Variants in TAF15 observed in about 807,000 individuals in gnomAD.
The protein encoded by TAF15 is TATA-box binding protein associated factor 15, also known as TATA-binding protein-associated factor 2N.
In TAF15, 37 loss-of-function variants were observed where a neutral mutation model predicts 102.5. The ratio of observed to expected loss-of-function variants is 0.36; its 90% CI spans 0.28 to 0.47. The LOEUF (loss-of-function observed/expected upper bound fraction) is 0.47. TAF15 is among the 20% of genes least tolerant of loss of function. TAF15 has a pLI of 0.99. For missense variants in TAF15, 652 were observed against 760.7 expected, an observed-to-expected ratio of 0.86 and a Z score of 1.68; for synonymous variants, 273 against 259.2, an observed-to-expected ratio of 1.05 and a Z score of -0.51.
intron 10 of TAF15, 88 bp from the exon 11 acceptor site, chr17:35,838,336 G>A (rs2087500608): frequency 3.2e-6 from 5 of 1,562,604 alleles, no homozygotes; most frequent in East Asian, 2.2e-5. Context: ...TGAATTCCTT[G>A]TAAAAAAAAT....
chr17:35,846,789 G>T, intron 15 of TAF15, 117 bp from the exon 16 acceptor site: 1 of 1,031,486 alleles, frequency 9.7e-7, no homozygotes, highest in Non-Finnish European at 1.5e-6. Context: ...GAGGCATGGT[G>T]TCATTCTTTA....
intron 7 of TAF15, among the ~76,000 whole-genome samples, chr17:35,830,982 T>C (rs776597044): frequency 1.3e-5 from 2 of 152,232 alleles, no homozygotes; most frequent in Admixed American, 6.5e-5. Flanking sequence ...TGATTAGTTA[T>C]AGTTAAGACT....
intron 1 of TAF15, 185 bp downstream of exon 1, chr17:35,809,761 G>A: frequency 1.3e-6 from 1 of 767,246 alleles, no homozygotes; most frequent in South Asian, 1.6e-5. Flanking sequence ...TGGCTCCCCG[G>A]CTGCAAATCA....
Position 35,842,302 on chromosome 17 carries a change from T to G in TAF15, c.914-65T>G, listed in dbSNP as rs544013753. 5.3e-5 allele frequency: 67 copies of G among 1,254,756 alleles called. 1 individual carries two copies. The African/African-American group carries it at 8.8e-4, about 17-fold the overall frequency. The allele number at this position is 1,254,756 out of a possible 1,614,324, so 77.7% of individuals were successfully genotyped here. On this transcript the variant is annotated intron_variant, in intron 11 of 15. Transcript: ENST00000605844. ...GAAACTAAAGATTTCCAAGACTTTT[T>G]CATTTTTGTTGACAGGTGGAGGTAT...
At chr17:35,819,431 T>G (rs1294417829) in intron 2 of TAF15, among the ~76,000 whole-genome samples, 2 of 152,190 alleles carry the variant, frequency 1.3e-5, no homozygotes, top group Non-Finnish European at 2.9e-5. Flanking sequence ...TTTATTGAGC[T>G]ATGTGCCAGG....
intron 12 of TAF15, among the ~76,000 whole-genome samples, chr17:35,843,025 G>C (rs2087566249): frequency 6.6e-6 from 1 of 152,024 alleles, no homozygotes; most frequent in Admixed American, 6.5e-5. Flanking sequence ...CACCGTGCTT[G>C]GCGAGGCAAT....
intron 3 of TAF15, 27 bp downstream of exon 3, chr17:35,820,102 T>C: frequency 6.2e-7 from 1 of 1,613,892 alleles, no homozygotes. Flanking sequence ...ATTGTATTCT[T>C]CATAAGTAGT....
intron 6 of TAF15, chr17:35,823,827 T>G: frequency 1.8e-6 from 1 of 564,434 alleles, no homozygotes; most frequent in East Asian, 3.1e-5. Flanking sequence ...CCATGTCACT[T>G]TAGCAGAATG....
chr17:35,833,943 T>TCAAAA lies in TAF15; in HGVS notation c.640+2_640+3insCAAAA. 1 of 1,613,854 alleles carries TCAAAA rather than the reference T, an allele frequency of 6.2e-7. No individual in the cohort carries two copies. The highest frequency in any genetic ancestry group is 8.5e-7 in the Non-Finnish European group (1 of 1,179,950). ...GCGGTGGCTTCAAAAATTTTGGTGG[T>TCAAAA]AAGTGCTGAGTATCCCAAAATGTTT... On this transcript the variant is annotated splice_region_variant and intron_variant, in intron 8 of 15. Transcript: ENST00000605844.
intron 11 of TAF15, among the ~76,000 whole-genome samples, chr17:35,839,370 CTTTTTTTTTT>C (rs562461506): frequency 1.1e-4 from 6 of 52,418 alleles, no homozygotes; most frequent in South Asian, 6.1e-4. Flanking sequence ...AAGAAATAGA[CTTTTTTTTTT>C]TTTTTTTTTT....
In TAF15 at chr17:35,841,139, A is replaced by G. The variant is rs571462007; in HGVS notation, c.914-1228A>G. ...ATCTTGCCAATTCTTATTTACTACTATTTTTTAAAAAGTTACCAATTGTTA... is the reference window on the plus strand; with the variant it reads ...ATCTTGCCAATTCTTATTTACTACTGTTTTTTAAAAAGTTACCAATTGTTA... On this transcript the variant is annotated intron_variant, in intron 11 of 15. Transcript: ENST00000605844. 3.3e-5 allele frequency among the ~76,000 whole-genome samples: 5 copies of G among 152,266 alleles called. No individual in the cohort carries two copies. In the South Asian group the frequency reaches 1.0e-3, roughly 32 times the overall value.
intron 10 of TAF15, among the ~76,000 whole-genome samples, chr17:35,837,567 C>T (rs1184399116): frequency 1.3e-5 from 2 of 152,002 alleles, no homozygotes; most frequent in Non-Finnish European, 2.9e-5. Context: ...GTGGCTCACA[C>T]CTGTAATCCC....
chr17:35,828,473 C>G (rs1380324714), intron 7 of TAF15, among the ~76,000 whole-genome samples: 1 of 152,152 alleles, frequency 6.6e-6, no homozygotes, highest in South Asian at 2.1e-4. Flanking sequence ...ATGGCCTGCG[C>G]CTGTAATCCT....
At position 35,843,954 on chromosome 17, in the gene TAF15, G is replaced by A; in HGVS notation, c.1007-123G>A. On this transcript the variant is annotated intron_variant, in intron 12 of 15. Coordinates refer to ENST00000605844, the MANE Select transcript of TAF15 (RefSeq NM_139215.3). ...AAAGAATTACAAAGTCCTGGTATAA[G>A]GGGTTAATTTGCAGAGTGCTGCCTA... is the stretch of plus-strand genomic sequence containing the variant. The A allele has an allele frequency of 9.1e-6, 8 of 877,944 alleles. No individual in the cohort carries two copies. In the South Asian group the frequency reaches 9.2e-5, roughly 10 times the overall value. The allele number at this position is 877,944 out of a possible 1,614,324, so 54.4% of individuals were successfully genotyped here. A position where few individuals can be genotyped will look rare whatever the true frequency, so the allele number is the denominator to read the frequency against.
chr17:35,818,972 C>T (rs902090263), intron 2 of TAF15, among the ~76,000 whole-genome samples: 3 of 152,116 alleles, frequency 2.0e-5, no homozygotes, highest in Non-Finnish European at 4.4e-5. Context: ...ACCATCCTCA[C>T]AGTAAAAAGG....
chr17:35,844,290 A>C lies in TAF15; in HGVS notation c.1099A>C (p.Asn367His), dbSNP rs762094316. 1 of 1,614,216 alleles carries C rather than the reference A, an allele frequency of 6.2e-7. No homozygotes were observed. The highest frequency in any genetic ancestry group is 8.5e-7 in the Non-Finnish European group (1 of 1,180,036). Residue 367 changes from asparagine (N) to histidine (H), a missense_variant, in exon 14 of 16, where the codon AAT (asparagine) becomes CAT (histidine). Transcript: ENST00000605844. ...DWVCPNPSCG[N>H]MNFARRNSCN... ...TTCCTCCTTTCTTAGGTCATGCGGA[A>C]ATATGAACTTTGCTCGAAGGAATTC...
chr17:35,823,298 G>A (rs956744653), intron 6 of TAF15, among the ~76,000 whole-genome samples: 2 of 152,196 alleles, frequency 1.3e-5, no homozygotes, highest in African/African-American at 4.8e-5. Context: ...ATAAGTAAAA[G>A]TGGAAGCACA....
chr17:35,816,091 T>C (rs570784828), intron 1 of TAF15, among the ~76,000 whole-genome samples: 2 of 152,258 alleles, frequency 1.3e-5, no homozygotes, highest in African/African-American at 4.8e-5. Flanking sequence ...CCACCCAAAA[T>C]GCTGGGATTA....
At chr17:35,821,723 T>C (rs1235121831) in intron 5 of TAF15, among the ~76,000 whole-genome samples, 1 of 152,198 alleles carries the variant, frequency 6.6e-6, no homozygotes, top group African/African-American at 2.4e-5. Flanking sequence ...TACTTAGAAT[T>C]TTCCTTTCAA....
Sources: gnomAD v4.1 joint callset for allele counts (sites outside exome capture counted in the v4.1 genomes callset) on GRCh38, gnomAD v4.1.1 for gene constraint, MANE v1.5 for transcripts, NCBI Gene and HGNC (gene_info 2026-07-23, HGNC 2026-07-21) for gene names.